The following NRG4 variants were observed in gnomAD, a reference collection of about 807,000 sequenced individuals.
The protein encoded by NRG4 is pro-neuregulin-4, membrane-bound isoform.
Under a neutral mutation model 15.0 loss-of-function variants are expected in NRG4, and 10 were observed. The ratio of observed to expected loss-of-function variants is 0.67; its 90% CI spans 0.41 to 1.13. The LOEUF is 1.13. Among genes scored for constraint, NRG4 ranks in the 50% most tolerant of loss-of-function variants. The pLI is 0.00. For missense variants in NRG4, 139 were observed against 140.2 expected (o/e 0.99, Z 0.04); for synonymous variants, 41 against 50.1 (o/e 0.82, Z 0.77).
intron 5 of NRG4, among the ~76,000 whole-genome samples, chr15:76,027,208 T>TA (rs1444818742): frequency 6.6e-6 from 1 of 152,026 alleles, no homozygotes; most frequent in Non-Finnish European, 1.5e-5. Context: ...AAGACTCACA[T>TA]AGACTGAAAG....
At chr15:75,987,608 C>A (rs2033844413) in intron 3 of NRG4, among the ~76,000 whole-genome samples, 1 of 152,156 alleles carries the variant, frequency 6.6e-6, no homozygotes, top group African/African-American at 2.4e-5. Context: ...CATCTGCAAA[C>A]CAGAAAGAGG....
In NRG4 at chr15:75,977,064, G is replaced by A. The variant is rs376976723; in HGVS notation, c.105-15090C>T. Among the ~76,000 whole-genome samples, 4 of 152,178 alleles carry A rather than the reference G, an allele frequency of 2.6e-5. No individual in the cohort carries two copies. Among genetic ancestry groups the A allele is most frequent in the African/African-American group, 4.8e-5 (2 of 41,442 alleles). ...AATCTAGAGAGGCAGTCTGGGTACC[G>A]CCGCTTTGTGGCACTGTGGTGGGCT... On this transcript the variant is annotated intron_variant, in intron 3 of 5. Coordinates refer to ENST00000394907, the MANE Select transcript of NRG4 (RefSeq NM_138573.4). The surrounding 1 kb of genome is among the most constrained non-coding windows in gnomAD (Gnocchi z 4.9).
At chr15:76,017,748 T>C (rs1365108438) in intron 5 of NRG4, among the ~76,000 whole-genome samples, 1 of 152,218 alleles carries the variant, frequency 6.6e-6, no homozygotes, top group Non-Finnish European at 1.5e-5. Context: ...CTTTTCTGGC[T>C]GCTCTTAACA....
At chr15:75,995,957 G>C (rs537234130) in intron 3 of NRG4, among the ~76,000 whole-genome samples, 12 of 152,252 alleles carry the variant, frequency 7.9e-5, no homozygotes, top group Non-Finnish European at 1.5e-4. Flanking sequence ...AAATGCATCA[G>C]ACTAATTACA....
At chr15:76,030,049 G>A (rs1596043342) in intron 5 of NRG4, among the ~76,000 whole-genome samples, 1 of 152,114 alleles carries the variant, frequency 6.6e-6, no homozygotes, top group East Asian at 1.9e-4. Context: ...ACAAGGTCAG[G>A]AGATCAAGAC....
chr15:75,993,859 A>G (rs1243341612), intron 3 of NRG4, among the ~76,000 whole-genome samples: 3 of 151,950 alleles, frequency 2.0e-5, no homozygotes, highest in Admixed American at 6.6e-5. Context: ...ATTTTTCCAT[A>G]TTTCTTATTT....
At chr15:76,024,998 A>G (rs1407088542) in intron 5 of NRG4, among the ~76,000 whole-genome samples, 2 of 152,212 alleles carry the variant, frequency 1.3e-5, no homozygotes, top group East Asian at 1.9e-4. Flanking sequence ...CAACAAAAAC[A>G]TAGGCAGAAA....
chr15:75,977,457 C>T lies in NRG4; in HGVS notation c.105-15483G>A, dbSNP rs1039918412. Among the ~76,000 whole-genome samples the T allele has an allele frequency of 4.6e-5, 7 of 152,134 alleles. No homozygotes were observed. The highest frequency in any genetic ancestry group is 2.1e-4 in the South Asian group (1 of 4,834). On this transcript the variant is annotated intron_variant, in intron 3 of 5. Coordinates refer to ENST00000394907, the MANE Select transcript of NRG4 (RefSeq NM_138573.4). This position sits in a 1 kb window ranked among gnomAD's most constrained non-coding sequence, Gnocchi z 4.9. ...CCAGGGCCCTGGTGGTGTAGGCACC[C>T]GAGGGAATCTCCTGGTCTGCGGGTT... is the stretch of plus-strand genomic sequence containing the variant.
chr15:76,056,065 GTA>G (rs1487842886), intron 2 of NRG4, among the ~76,000 whole-genome samples: 2 of 152,200 alleles, frequency 1.3e-5, no homozygotes, highest in Non-Finnish European at 2.9e-5. Context: ...CCATGGTATT[GTA>G]TCCACACAGA....
In NRG4 at chr15:75,994,375, G is replaced by T. The variant is rs146130897; in HGVS notation, c.104+14825C>A. ...CAATTTCCAGCTGTGGTGACTGCCTGCATGTTTCCATCCCATTTTACCACT... is the reference window on the plus strand; with the variant it reads ...CAATTTCCAGCTGTGGTGACTGCCTTCATGTTTCCATCCCATTTTACCACT... On this transcript the variant is annotated intron_variant, in intron 3 of 5. Transcript: ENST00000394907. Among the ~76,000 whole-genome samples the T allele has an allele frequency of 2.4e-4, 37 of 152,270 alleles. 1 individual carries two copies. In the East Asian group the frequency reaches 7.1e-3, roughly 29 times the overall value.
At chr15:76,009,614 CACTT>C (rs1257439345) in intron 2 of NRG4, among the ~76,000 whole-genome samples, 2 of 152,082 alleles carry the variant, frequency 1.3e-5, no homozygotes, top group Non-Finnish European at 2.9e-5. Flanking sequence ...GGGCCTTTCT[CACTT>C]ACTACAGAGA....
intron 3 of NRG4, among the ~76,000 whole-genome samples, chr15:75,967,284 C>G (rs752475143): frequency 4.0e-5 from 6 of 151,778 alleles, no homozygotes; most frequent in Non-Finnish European, 7.4e-5. Context: ...TTCATTAAAG[C>G]CTCTATTAGA....
chr15:75,986,571 A>G (rs913124080), intron 3 of NRG4, among the ~76,000 whole-genome samples: 1 of 152,224 alleles, frequency 6.6e-6, no homozygotes. Flanking sequence ...CTGACAGAAC[A>G]TAAGATTTCA....
chr15:76,044,293 C>T (rs537531063), intron 4 of NRG4, among the ~76,000 whole-genome samples: 2 of 150,628 alleles, frequency 1.3e-5, no homozygotes, highest in African/African-American at 2.5e-5. Context: ...TGAGCCACCG[C>T]GCCCGGCCAC....
intron 3 of NRG4, among the ~76,000 whole-genome samples, chr15:76,008,370 T>G (rs898477365): frequency 5.9e-5 from 9 of 152,194 alleles, no homozygotes; most frequent in Non-Finnish European, 8.8e-5. Flanking sequence ...ATCTTTAACT[T>G]TTCCTATGGA....
downstream of NRG4, chr15:75,939,733 A>G (rs899645278): frequency 6.6e-6 from 1 of 152,226 alleles, no homozygotes; most frequent in African/African-American, 2.4e-5. Context: ...TGTTCAACAT[A>G]CAAAAATCAA....
At chr15:75,940,266 CA>C (rs2030806646), downstream of NRG4, 1 of 152,030 alleles carries the variant, frequency 6.6e-6, no homozygotes, top group South Asian at 2.1e-4. Flanking sequence ...GAATAAAATG[CA>C]CAGAAATTAG....
chr15:75,943,753 G>A, intron 5 of NRG4, 99 bp from the exon 6 acceptor site: 1 of 767,990 alleles, frequency 1.3e-6, no homozygotes, highest in Non-Finnish European at 2.2e-6. Flanking sequence ...ACATATATAA[G>A]CCAACCCCTT....
chr15:76,045,069 A>G (rs1490486023), intron 4 of NRG4, among the ~76,000 whole-genome samples: 1 of 150,900 alleles, frequency 6.6e-6, no homozygotes, highest in Non-Finnish European at 1.5e-5. Context: ...ACCAGAATAT[A>G]TAAGGAGTTC....
Sources: allele counts gnomAD v4.1 joint callset (sites outside exome capture counted in the v4.1 genomes callset), GRCh38; gene constraint gnomAD v4.1.1; non-coding constraint Gnocchi (gnomAD v3.1); transcripts MANE v1.5; gene names NCBI Gene and HGNC (gene_info 2026-07-23, HGNC 2026-07-21).